DNAH7: variants seen among roughly 807,000 people sequenced by gnomAD.
The protein encoded by DNAH7 is axonemal beta dynein heavy chain 7.
A neutral mutation model predicts 444.6 loss-of-function variants in DNAH7; 397 were observed. The observed-to-expected ratio is 0.89, with a 90% CI of 0.82 to 0.97. The LOEUF is 0.97. Among genes scored for constraint, DNAH7 ranks in the 50% least tolerant of loss-of-function variants. DNAH7 has a pLI of 0.00. For synonymous variants in DNAH7, 1,636 were observed against 1,624.4 expected, an observed-to-expected ratio of 1.01 and a Z score of -0.17; for missense variants, 4,902 against 4,800.8, an observed-to-expected ratio of 1.02 and a Z score of -0.62.
Position 196,047,395 on chromosome 2 carries a change from T to C in DNAH7, c.355A>G (p.Lys119Glu). 1 of 1,602,378 alleles carries C rather than the reference T, an allele frequency of 6.2e-7. No individual in the cohort carries two copies. Among genetic ancestry groups the C allele is most frequent in the Non-Finnish European group, 8.5e-7 (1 of 1,173,576 alleles). The change falls in exon 5 of 65, where the codon AAA becomes GAA. Residue 119 changes from lysine (K) to glutamate (E), a missense_variant. Physicochemically the swap from Lys to Glu is moderately conservative, Grantham distance 56. Transcript: ENST00000312428. ...GTACTTCTAAAGTTTTCTCGTTCTT[T>C]ATGTGGAGATTTGCCCTTTGATTTG... ...TSKSKGKSPH[K>E]ERENFRSTLV...
In DNAH7 at chr2:195,778,733, C is replaced by CATATATATATACACAT. The variant is rs1553518264; in HGVS notation, c.10879-749_10879-748insATGTGTATATATATAT. On this transcript the variant is annotated intron_variant, in intron 58 of 64. Coordinates refer to ENST00000312428, the MANE Select transcript of DNAH7 (RefSeq NM_018897.3). The stretch of plus-strand genomic sequence containing the variant: ...ATATATATACACATATATATATACA[C>CATATATATATACACAT]ATATATATATATAATAAAACTCAGA... 2.3e-4 allele frequency among the ~76,000 whole-genome samples: 27 copies of CATATATATATACACAT among 117,204 alleles called. 1 individual carries two copies. Among genetic ancestry groups the CATATATATATACACAT allele is most frequent in the Middle Eastern group, 4.1e-3 (1 of 242 alleles). The allele number at this position is 117,204 out of a possible 152,430, so 76.9% of individuals were successfully genotyped here.
At chr2:195,894,756 A>T (rs1702209650) in intron 30 of DNAH7, 1 of 339,544 alleles carries the variant, frequency 2.9e-6, no homozygotes. Context: ...TAATTTTTTT[A>T]AAAAAGAAAT....
chr2:195,782,968 C>T (rs1267549105), intron 58 of DNAH7, among the ~76,000 whole-genome samples: 1 of 152,102 alleles, frequency 6.6e-6, no homozygotes, highest in Non-Finnish European at 1.5e-5. Context: ...CTATTTTGTG[C>T]TCTCTCTTCC....
At chr2:196,001,360 T>C (rs897413469) in intron 11 of DNAH7, among the ~76,000 whole-genome samples, 1 of 148,630 alleles carries the variant, frequency 6.7e-6, no homozygotes, top group African/African-American at 2.6e-5. Flanking sequence ...AATATGCAGG[T>C]TGACATTAAC....
At chr2:195,827,097 T>G (rs925283218) in intron 48 of DNAH7, among the ~76,000 whole-genome samples, 2 of 152,150 alleles carry the variant, frequency 1.3e-5, no homozygotes, top group African/African-American at 4.8e-5. Context: ...AAAATACAGT[T>G]CTTTACCCTG....
intron 19 of DNAH7, among the ~76,000 whole-genome samples, chr2:195,941,139 T>C (rs6741905): frequency 1.1e-4 from 16 of 152,136 alleles, no homozygotes; most frequent in African/African-American, 3.6e-4. Flanking sequence ...CCATCAATGA[T>C]AGACTGAATA....
chr2:195,993,369 CAATTA>C (rs1693476480), intron 12 of DNAH7, among the ~76,000 whole-genome samples: 1 of 151,988 alleles, frequency 6.6e-6, no homozygotes, highest in Admixed American at 6.6e-5. Context: ...TCAAAGTAAG[CAATTA>C]AATTGAAATG....
At position 195,888,787 on chromosome 2, in the gene DNAH7, T is replaced by C. The variant is rs375655853; in HGVS notation, c.5229+12A>G. 24 of 1,603,232 alleles carry C rather than the reference T, an allele frequency of 1.5e-5. No homozygotes were observed. The highest frequency in any genetic ancestry group is 1.9e-5 in the Non-Finnish European group (22 of 1,175,984). Reference sequence around the variant, plus strand: ...TATAATTTATAAAAAGATGTCAAAATGGAGAACTTACAGTGGCAGGGGAAG... The same window carrying C: ...TATAATTTATAAAAAGATGTCAAAACGGAGAACTTACAGTGGCAGGGGAAG... On this transcript the variant is annotated intron_variant, in intron 32 of 64. Transcript: ENST00000312428.
chr2:195,969,867 T>C, intron 17 of DNAH7, 81 bp downstream of exon 17: 1 of 1,398,932 alleles, frequency 7.1e-7, no homozygotes, highest in Non-Finnish European at 9.8e-7. Flanking sequence ...TGAATCTACT[T>C]CTTAAAGGTG....
chr2:195,955,691 C>T (rs1374063164), intron 19 of DNAH7, among the ~76,000 whole-genome samples: 1 of 152,098 alleles, frequency 6.6e-6, no homozygotes, highest in Non-Finnish European at 1.5e-5. Context: ...TATAAAATTT[C>T]TTGGCAATAT....
At position 195,794,385 on chromosome 2, in the gene DNAH7, T is replaced by C. The variant is rs763275592; in HGVS notation, c.10669A>G (p.Met3557Val). The change falls in exon 57 of 65, where the codon ATG (methionine) becomes GTG (valine). Residue 3557 changes from methionine (M) to valine (V), a missense_variant. By Grantham distance (21) the Met-to-Val change is conservative. Transcript: ENST00000312428. ...LRANIIRSYL[M>V]DPISDPEFFG... The stretch of plus-strand genomic sequence containing the variant: ...AACTCCGGATCAGAGATCGGGTCCA[T>C]GAGGTATGATCGAATGATATTAGCC... The C allele has an allele frequency of 6.2e-7, 1 of 1,614,136 alleles. No individual in the cohort carries two copies. The highest frequency in any genetic ancestry group is 2.2e-5 in the East Asian group (1 of 44,874).
intron 5 of DNAH7, among the ~76,000 whole-genome samples, chr2:196,040,465 A>G (rs1290451367): frequency 6.6e-6 from 1 of 152,218 alleles, no homozygotes; most frequent in Non-Finnish European, 1.5e-5. Context: ...AACCAAAGAA[A>G]GAGAAACCAT....
chr2:195,861,630 A>G (rs2125080092), intron 42 of DNAH7, 87 bp downstream of exon 42: 2 of 851,250 alleles, frequency 2.3e-6, no homozygotes, highest in East Asian at 2.6e-5. Flanking sequence ...TACGAAATAA[A>G]TCTCCATTAT....
chr2:195,896,173 C>T (rs1318777163), intron 29 of DNAH7, among the ~76,000 whole-genome samples: 2 of 152,284 alleles, frequency 1.3e-5, no homozygotes, highest in East Asian at 1.9e-4. Flanking sequence ...GTTCCTCTAG[C>T]CATGTATAAA....
At chr2:195,860,779 A>G (rs1367778288) in intron 42 of DNAH7, among the ~76,000 whole-genome samples, 3 of 152,176 alleles carry the variant, frequency 2.0e-5, no homozygotes, top group Non-Finnish European at 4.4e-5. Flanking sequence ...TGTTTTATGT[A>G]TTCTTTTTAA....
At chr2:195,779,058 T>A (rs1435951553) in intron 58 of DNAH7, among the ~76,000 whole-genome samples, 1 of 152,134 alleles carries the variant, frequency 6.6e-6, no homozygotes, top group East Asian at 1.9e-4. Context: ...TTAGCCAGGA[T>A]GATCTCGATC....
At position 195,900,711 on chromosome 2, in the gene DNAH7, G is replaced by C. The variant is rs1451394570; in HGVS notation, c.4336-217C>G. The C allele has an allele frequency of 6.3e-6, 3 of 475,264 alleles. No individual in the cohort carries two copies. In the East Asian group the frequency reaches 1.1e-4, roughly 18 times the overall value. The allele number at this position is 475,264 out of a possible 1,614,324, so 29.4% of individuals were successfully genotyped here. A position where few individuals can be genotyped will look rare whatever the true frequency, so the allele number is the denominator to read the frequency against. ...AATGCAAAATTTCAGGTACATAAAA[G>C]AAATAAATTCTAGTGTACTGTAGCA... On this transcript the variant is annotated intron_variant, in intron 27 of 64. Coordinates refer to ENST00000312428, the MANE Select transcript of DNAH7 (RefSeq NM_018897.3).
chr2:195,780,067 C>T (rs1145935), intron 58 of DNAH7, among the ~76,000 whole-genome samples: 147,915 of 152,230 alleles, frequency 0.97, 71,994 homozygotes, highest in Middle Eastern at 1. Flanking sequence ...GTGTTGATTT[C>T]TCACATTGCA....
At chr2:195,914,731 T>C (rs933780316) in intron 24 of DNAH7, among the ~76,000 whole-genome samples, 1 of 152,204 alleles carries the variant, frequency 6.6e-6, no homozygotes, top group Non-Finnish European at 1.5e-5. Context: ...TGGCAAAATC[T>C]TGGCCCACTG....
Sources: gnomAD v4.1 joint callset for allele counts (sites outside exome capture counted in the v4.1 genomes callset) on GRCh38, gnomAD v4.1.1 for gene constraint, MANE v1.5 for transcripts, NCBI Gene and HGNC (gene_info 2026-07-23, HGNC 2026-07-21) for gene names.